Variants in MCRIP2 observed in about 807,000 individuals in gnomAD.
MCRIP2 encodes the protein MAPK regulated co-repressor interacting protein 2.
MCRIP2 carries 21 observed loss-of-function variants against 23.2 expected under a neutral mutation model. That is an observed-to-expected ratio of 0.90 (90% CI 0.64 to 1.30). MCRIP2 has a LOEUF of 1.30. Ranked by LOEUF, MCRIP2 falls within the 50% of genes most tolerant of loss-of-function variation. The pLI is 0.00. For missense variants in MCRIP2, 234 were observed against 223.2 expected (o/e 1.05, Z -0.31); for synonymous variants, 121 against 100.2 (o/e 1.21, Z -1.24).
intron 2 of MCRIP2, chr16:643,027 C>T (rs1247200707): frequency 1.3e-5 from 2 of 152,502 alleles, no homozygotes; most frequent in South Asian, 2.1e-4. Context: ...GCCAGGAGTT[C>T]AGGGCAGCTA....
At position 642,121 on chromosome 16, in the gene MCRIP2, T is replaced by C; in HGVS notation, c.54T>C (p.Gly18=). ...CTGACCGCCCCCCGGTGCCCGCAGGTCCCACGCAGCAGCAGGTGGAGGGCC... is the reference window on the plus strand; with the variant it reads ...CTGACCGCCCCCCGGTGCCCGCAGGCCCCACGCAGCAGCAGGTGGAGGGCC... ...PSKLVAQRRT[G]PTQQQVEGRL... is the part of the protein sequence containing the mutation. Residue 18 remains glycine (G), a splice_region_variant and synonymous_variant, in exon 2 of 5, where the codon GGT becomes GGC. Transcript: ENST00000307650. The C allele has an allele frequency of 7.3e-7, 1 of 1,364,000 alleles. No homozygotes were observed. The highest frequency in any genetic ancestry group is 1.6e-5 in the South Asian group (1 of 60,940). The allele number at this position is 1,364,000 out of a possible 1,614,324, so 84.5% of individuals were successfully genotyped here. A position where few individuals can be genotyped will look rare whatever the true frequency, so the allele number is the denominator to read the frequency against.
Position 648,320 on chromosome 16 carries a change from C to A in MCRIP2, c.*130C>A. The A allele has an allele frequency of 1.1e-6, 1 of 942,210 alleles. No individual in the cohort carries two copies. The highest frequency in any genetic ancestry group is 1.5e-5 in the South Asian group (1 of 68,190). The allele number at this position is 942,210 out of a possible 1,614,324, so 58.4% of individuals were successfully genotyped here. On this transcript the variant is annotated 3_prime_UTR_variant, in exon 5 of 5. Coordinates refer to ENST00000307650, the MANE Select transcript of MCRIP2 (RefSeq NM_138418.4). ...AGTGCCAGCATTTGGACTTTTGCAC[C>A]TTTTTTTCCCTTGGCCCGGCTGTCC...
rs924907785 is a variant in MCRIP2 at position 647,321 on chromosome 16, G to A, written c.183-96G>A. On this transcript the variant is annotated intron_variant, in intron 2 of 4. Coordinates refer to ENST00000307650, the MANE Select transcript of MCRIP2 (RefSeq NM_138418.4). ...AAGTGCCTAGGCTGGCCAAGTCTGG[G>A]GAAAGTGGGCTGGCCCGGGGCTGCT... 80 of 1,552,074 alleles carry A rather than the reference G, an allele frequency of 5.2e-5. No individual in the cohort carries two copies. In the Middle Eastern group the frequency reaches 8.5e-4, roughly 17 times the overall value.
chr16:642,022 C>G lies in MCRIP2; in HGVS notation c.31C>G (p.Leu11Val). The G allele has an allele frequency of 7.5e-7, 1 of 1,326,394 alleles. No individual in the cohort carries two copies. The highest frequency in any genetic ancestry group is 9.6e-7 in the Non-Finnish European group (1 of 1,040,324). 82.2% of individuals were successfully genotyped at this position (1,326,394 alleles called of 1,614,324 possible). A position where few individuals can be genotyped will look rare whatever the true frequency, so the allele number is the denominator to read the frequency against. The change falls in exon 1 of 5, where the codon CTG (leucine) becomes GTG (valine). Residue 11 changes from leucine to valine, a missense_variant. By Grantham distance (32) the Leu-to-Val change is conservative. Coordinates refer to ENST00000307650, the MANE Select transcript of MCRIP2 (RefSeq NM_138418.4). MYTITKGPSK[L>V]VAQRRTGPTQ... ...CACCATCACCAAGGGGCCCAGCAAG[C>G]TGGTCGCGCAGCGCCGCACAGGTGC... is the stretch of plus-strand genomic sequence containing the variant.
Position 647,401 on chromosome 16 carries a change from T to A in MCRIP2, c.183-16T>A. On this transcript the variant is annotated splice_polypyrimidine_tract_variant and intron_variant, in intron 2 of 4. Transcript: ENST00000307650. Reference sequence around the variant, plus strand: ...GGGATGGGCACCAACCATGTCCGTCTCCTCCCTTCCTGCAGTCCAGGGCCA... The same window carrying A: ...GGGATGGGCACCAACCATGTCCGTCACCTCCCTTCCTGCAGTCCAGGGCCA... 6.2e-7 allele frequency: 1 copy of A among 1,612,182 alleles called. No individual in the cohort carries two copies. Among genetic ancestry groups the A allele is most frequent in the Non-Finnish European group, 8.5e-7 (1 of 1,179,240 alleles).
Position 641,995 on chromosome 16 carries a change from TACACCATCAC to T in MCRIP2, c.5_14del (p.Tyr2SerfsTer28). ...GGCGGTGTGGGAGCGGCGCGTCATGTACACCATCACCAAGGGGCCCAGCAAGCTGGTCGCG... is the reference window on the plus strand; with the variant it reads ...GGCGGTGTGGGAGCGGCGCGTCATGTCAAGGGGCCCAGCAAGCTGGTCGCG... On this transcript the variant is annotated frameshift_variant, in exon 1 of 5. Coordinates refer to ENST00000307650, the MANE Select transcript of MCRIP2 (RefSeq NM_138418.4). LOFTEE classifies it high-confidence loss of function. 7.5e-7 allele frequency: 1 copy of T among 1,328,372 alleles called. No homozygotes were observed. Among genetic ancestry groups the T allele is most frequent in the African/African-American group, 1.5e-5 (1 of 64,834 alleles). The allele number at this position is 1,328,372 out of a possible 1,614,324, so 82.3% of individuals were successfully genotyped here.
intron 4 of MCRIP2, 24 bp downstream of exon 4, chr16:647,908 C>G (rs754359005): frequency 2.9e-6 from 4 of 1,392,874 alleles, no homozygotes; most frequent in African/African-American, 2.9e-5. Context: ...CCCTGTCCCC[C>G]CAGGAGAGAC....
chr16:642,484 C>T (rs1020510554), intron 2 of MCRIP2: 6 of 255,106 alleles, frequency 2.4e-5, no homozygotes, highest in Non-Finnish European at 3.5e-5. Flanking sequence ...GGGAGAAAGC[C>T]GGCCAGTTCC....
chr16:642,176 C>T lies in MCRIP2; in HGVS notation c.109C>T (p.Pro37Ser). The T allele has an allele frequency of 7.4e-7, 1 of 1,343,902 alleles. No homozygotes were observed. The highest frequency in any genetic ancestry group is 1.7e-5 in the South Asian group (1 of 57,482). The allele number at this position is 1,343,902 out of a possible 1,614,324, so 83.2% of individuals were successfully genotyped here. Residue 37 changes from proline (P) to serine (S), a missense_variant, in exon 2 of 5, where the codon CCC becomes TCC. By Grantham distance (74) the Pro-to-Ser change is moderately conservative. Transcript: ENST00000307650. ...RLGELLKCRQ[P>S]APPTSQPPRA... is the part of the protein sequence containing the mutation. ...CGGCGAGCTCCTGAAATGCCGGCAG[C>T]CCGCGCCGCCGACCTCGCAGCCCCC...
chr16:647,241 G>GC, intron 2 of MCRIP2, 176 bp from the exon 3 acceptor site: 1 of 775,062 alleles, frequency 1.3e-6, no homozygotes, highest in Non-Finnish European at 2.0e-6. Flanking sequence ...CTTGGGGACT[G>GC]CAAGAGAGGC....
At position 648,348 on chromosome 16, in the gene MCRIP2, A is replaced by G; in HGVS notation, c.*158A>G. On this transcript the variant is annotated 3_prime_UTR_variant, in exon 5 of 5. Coordinates refer to ENST00000307650, the MANE Select transcript of MCRIP2 (RefSeq NM_138418.4). ...TTTTTCCCTTGGCCCGGCTGTCCCA[A>G]CCAAGCTGCCATGGCCAAGGGCCGA... The G allele has an allele frequency of 3.9e-6, 3 of 770,878 alleles. No homozygotes were observed. In the South Asian group the frequency reaches 5.0e-5, roughly 13 times the overall value. The allele number at this position is 770,878 out of a possible 1,614,324, so 47.8% of individuals were successfully genotyped here. A position where few individuals can be genotyped will look rare whatever the true frequency, so the allele number is the denominator to read the frequency against.
chr16:644,664 T>G (rs1163422621), intron 2 of MCRIP2, among the ~76,000 whole-genome samples: 1 of 152,100 alleles, frequency 6.6e-6, no homozygotes, highest in African/African-American at 2.4e-5. Context: ...AGTATTCAAT[T>G]CCTGGGCTCG....
rs112168784 is a variant in MCRIP2, at chr16:648,320, C to CT, written c.*137dup. 4.8e-5 allele frequency: 45 copies of CT among 942,206 alleles called. 2 individuals are homozygous for CT. The highest frequency in any genetic ancestry group is 3.6e-4 in the African/African-American group (22 of 61,566). The allele number at this position is 942,206 out of a possible 1,614,324, so 58.4% of individuals were successfully genotyped here. On this transcript the variant is annotated 3_prime_UTR_variant, in exon 5 of 5. Coordinates refer to ENST00000307650, the MANE Select transcript of MCRIP2 (RefSeq NM_138418.4). Reference sequence around the variant, plus strand: ...AGTGCCAGCATTTGGACTTTTGCACCTTTTTTTCCCTTGGCCCGGCTGTCC... The same window carrying CT: ...AGTGCCAGCATTTGGACTTTTGCACCTTTTTTTTCCCTTGGCCCGGCTGTCC...
Position 648,122 on chromosome 16 carries a change from T to A in MCRIP2, c.415T>A (p.Phe139Ile). ...TGCCCAGCCTTCTCTGCCCACAGAC[T>A]TTGTGCCCATTGACCTAGACGAGTG... ...ERTPNPRLQN[F>I]VPIDLDEWWA... Residue 139 changes from phenylalanine to isoleucine, a missense_variant and splice_region_variant, in exon 5 of 5, where the codon TTT becomes ATT. Coordinates refer to ENST00000307650, the MANE Select transcript of MCRIP2 (RefSeq NM_138418.4). 6.2e-7 allele frequency: 1 copy of A among 1,604,706 alleles called. No individual in the cohort carries two copies. Among genetic ancestry groups the A allele is most frequent in the Non-Finnish European group, 8.5e-7 (1 of 1,174,756 alleles).
chr16:644,868 A>G (rs1279244122), intron 2 of MCRIP2, among the ~76,000 whole-genome samples: 1 of 151,996 alleles, frequency 6.6e-6, no homozygotes, highest in Non-Finnish European at 1.5e-5. Flanking sequence ...CTTGTCACCC[A>G]TGATGTATGC....
chr16:648,235 G>T lies in MCRIP2; in HGVS notation c.*45G>T, dbSNP rs1251378899. ...CTGCTACACGGCCGACCTGTCGCCA[G>T]GAGAGAAGCATGGCGCCCTGCCCAC... On this transcript the variant is annotated 3_prime_UTR_variant, in exon 5 of 5. Coordinates refer to ENST00000307650, the MANE Select transcript of MCRIP2 (RefSeq NM_138418.4). 10 of 1,560,668 alleles carry T rather than the reference G, an allele frequency of 6.4e-6. No individual in the cohort carries two copies. The highest frequency in any genetic ancestry group is 7.9e-6 in the Non-Finnish European group (9 of 1,146,344).
At chr16:644,184 C>G (rs535558601) in intron 2 of MCRIP2, among the ~76,000 whole-genome samples, 3 of 152,224 alleles carry the variant, frequency 2.0e-5, no homozygotes, top group Admixed American at 6.5e-5. Context: ...TGGGTTCAAG[C>G]GATCCTCCTG....
chr16:647,766 C>A lies in MCRIP2; in HGVS notation c.311-17C>A. ...GTGCCTGGGACCTGGCTCAGCCCGA[C>A]TGCCCTCCTCCCACAGCCTGGCAGC... is the stretch of plus-strand genomic sequence containing the variant. On this transcript the variant is annotated splice_polypyrimidine_tract_variant and intron_variant, in intron 3 of 4. Transcript: ENST00000307650. 1.3e-6 allele frequency: 2 copies of A among 1,552,986 alleles called. No homozygotes were observed. The highest frequency in any genetic ancestry group is 1.7e-6 in the Non-Finnish European group (2 of 1,148,758).
chr16:648,332 T>C lies in MCRIP2; in HGVS notation c.*142T>C, dbSNP rs1410220994. On this transcript the variant is annotated 3_prime_UTR_variant, in exon 5 of 5. Transcript: ENST00000307650. ...TGGACTTTTGCACCTTTTTTTCCCT[T>C]GGCCCGGCTGTCCCAACCAAGCTGC... is the stretch of plus-strand genomic sequence containing the variant. 2 of 853,476 alleles carry C rather than the reference T, an allele frequency of 2.3e-6. No individual in the cohort carries two copies. The highest frequency in any genetic ancestry group is 1.7e-5 in the African/African-American group (1 of 59,960). The allele number at this position is 853,476 out of a possible 1,614,324, so 52.9% of individuals were successfully genotyped here.
Sources: allele counts gnomAD v4.1 joint callset (sites outside exome capture counted in the v4.1 genomes callset), GRCh38; gene constraint gnomAD v4.1.1; transcripts MANE v1.5; gene names NCBI Gene and HGNC (gene_info 2026-07-23, HGNC 2026-07-21).